MAGI1: variants seen among roughly 807,000 people sequenced by gnomAD.
MAGI1 encodes membrane-associated guanylate kinase, WW and PDZ domain-containing protein 1.
A neutral mutation model predicts 139.9 loss-of-function variants in MAGI1; 58 were observed. The observed-to-expected ratio is 0.41, with a 90% CI of 0.34 to 0.52. The LOEUF (loss-of-function observed/expected upper bound fraction) is 0.52. MAGI1 is among the 20% of genes least tolerant of loss of function. MAGI1 has a pLI of 0.12. For synonymous variants in MAGI1, 812 were observed against 737.9 expected (o/e 1.10, Z -1.63); for missense variants, 1,874 against 1,901.6 (o/e 0.99, Z 0.27).
At chr3:65,894,124 AACGAGACATC>A (rs2060875250) in intron 1 of MAGI1, among the ~76,000 whole-genome samples, 1 of 152,190 alleles carries the variant, frequency 6.6e-6, no homozygotes, top group Non-Finnish European at 1.5e-5. Flanking sequence ...AAAAAGAAGG[AACGAGACATC>A]ACTACCCGCC....
At chr3:65,371,729 C>G (rs1199557971) in intron 18 of MAGI1, among the ~76,000 whole-genome samples, 1 of 152,156 alleles carries the variant, frequency 6.6e-6, no homozygotes, top group Non-Finnish European at 1.5e-5. Context: ...TAATCAAAAC[C>G]CTTTGTTGTC....
At chr3:65,360,851 G>T (rs941453830) in intron 22 of MAGI1, 2 of 1,146,452 alleles carry the variant, frequency 1.7e-6, no homozygotes, top group East Asian at 9.3e-5. Flanking sequence ...TTCTTAAAAG[G>T]AGTATATAGT....
At position 65,680,795 on chromosome 3, in the gene MAGI1, T is replaced by TATGATATATG. The variant is rs58365928; in HGVS notation, c.314-58708_314-58707insCATATATCAT. On this transcript the variant is annotated intron_variant, in intron 1 of 22. Coordinates refer to ENST00000402939, the MANE Select transcript of MAGI1 (RefSeq NM_001033057.2). ...TATGATATGATATGATATGATATGA[T>TATGATATATG]ATACTTTAATAATTATTAAAATCAT... is the stretch of plus-strand genomic sequence containing the variant. Among the ~76,000 whole-genome samples the TATGATATATG allele has an allele frequency of 5.6e-3, 842 of 151,236 alleles. 4 individuals are homozygous for TATGATATATG. Among genetic ancestry groups the TATGATATATG allele is most frequent in the Middle Eastern group, 0.017 (5 of 288 alleles).
chr3:65,594,279 C>T (rs2082089777), intron 2 of MAGI1, among the ~76,000 whole-genome samples: 1 of 152,088 alleles, frequency 6.6e-6, no homozygotes, highest in Non-Finnish European at 1.5e-5. Flanking sequence ...AACAGGTTTA[C>T]CAATAACAAA....
chr3:65,492,678 G>A (rs531276906), intron 3 of MAGI1, among the ~76,000 whole-genome samples: 12 of 152,228 alleles, frequency 7.9e-5, no homozygotes, highest in African/African-American at 9.6e-5. Context: ...ATGTACATAC[G>A]CATGTGCACA....
intron 1 of MAGI1, among the ~76,000 whole-genome samples, chr3:65,763,738 C>T (rs974681073): frequency 2.6e-5 from 4 of 151,172 alleles, no homozygotes; most frequent in Admixed American, 6.6e-5. Flanking sequence ...TATTTCATAT[C>T]GCACAAGTGC....
intron 14 of MAGI1, 114 bp from the exon 15 acceptor site, chr3:65,383,737 T>G: frequency 1.4e-6 from 1 of 726,940 alleles, no homozygotes; most frequent in Non-Finnish European, 2.4e-6. Context: ...GATGGAAGAT[T>G]TTCAATATAG....
chr3:65,437,189 G>T lies in MAGI1; in HGVS notation c.1329C>A (p.Ser443Arg). Residue 443 changes from serine to arginine, a missense_variant, in exon 10 of 23, where the codon AGC (serine) becomes AGA (arginine). Coordinates refer to ENST00000402939, the MANE Select transcript of MAGI1 (RefSeq NM_001033057.2). ...GAACTTCTCTGGCTGGCTCTGGATT[G>T]CTTGGAGGGTGGTTTGGAATAACAG... ...VPPVIPNHPP[S>R]NPEPAREVPL... The T allele has an allele frequency of 6.2e-7, 1 of 1,611,840 alleles. No homozygotes were observed. Among genetic ancestry groups the T allele is most frequent in the Non-Finnish European group, 8.5e-7 (1 of 1,178,146 alleles).
chr3:65,671,421 C>G (rs74943912), intron 1 of MAGI1, among the ~76,000 whole-genome samples: 1 of 152,134 alleles, frequency 6.6e-6, no homozygotes, highest in Non-Finnish European at 1.5e-5. Context: ...CCCATAGGAA[C>G]CAACTCACCC....
At chr3:65,377,338 T>C (rs1166142991) in intron 17 of MAGI1, among the ~76,000 whole-genome samples, 1 of 152,198 alleles carries the variant, frequency 6.6e-6, no homozygotes, top group Non-Finnish European at 1.5e-5. Context: ...CAAGGACAAT[T>C]GGTATAACAA....
At chr3:65,576,673 G>C (rs186271982) in intron 2 of MAGI1, among the ~76,000 whole-genome samples, 253 of 152,226 alleles carry the variant, frequency 1.7e-3, no homozygotes, top group African/African-American at 5.5e-3. Flanking sequence ...TTTCCTTTAA[G>C]AGCCAATTCA....
intron 2 of MAGI1, among the ~76,000 whole-genome samples, chr3:65,552,848 G>C (rs531995175): frequency 6.6e-6 from 1 of 152,230 alleles, no homozygotes; most frequent in Admixed American, 6.5e-5. Flanking sequence ...GTTATGCCTT[G>C]GTTTAATTAT....
chr3:65,673,702 C>A (rs144288952), intron 1 of MAGI1, among the ~76,000 whole-genome samples: 4 of 152,330 alleles, frequency 2.6e-5, no homozygotes, highest in African/African-American at 9.6e-5. Flanking sequence ...TCTTCAGACA[C>A]AAACACCTCA....
At chr3:65,620,048 TCA>T (rs1220248331) in intron 2 of MAGI1, 1 of 949,772 alleles carries the variant, frequency 1.1e-6, no homozygotes, top group Non-Finnish European at 1.3e-6. Context: ...GCCATTTAGC[TCA>T]CAGTCAGGTC....
At position 65,429,579 on chromosome 3, in the gene MAGI1, A is replaced by G; in HGVS notation, c.2108T>C (p.Val703Ala). 6 of 1,613,824 alleles carry G rather than the reference A, an allele frequency of 3.7e-6. No homozygotes were observed. Among genetic ancestry groups the G allele is most frequent in the Non-Finnish European group, 5.1e-6 (6 of 1,179,868 alleles). The stretch of plus-strand genomic sequence containing the variant: ...CTTAGGACACTCAACCAGCATATCC[A>G]CCACTTGGTTGTGAGTTAGGGCCTG... ...NVQALTHNQV[V>A]DMLVECPKGS... Residue 703 changes from valine (V) to alanine (A), a missense_variant, in exon 12 of 23, where the codon GTG becomes GCG. Physicochemically the swap from Val to Ala is moderately conservative, Grantham distance 64. Transcript: ENST00000402939.
chr3:65,510,395 G>A (rs1372104186), intron 2 of MAGI1, among the ~76,000 whole-genome samples: 1 of 150,440 alleles, frequency 6.6e-6, no homozygotes, highest in Admixed American at 6.6e-5. Flanking sequence ...CAAAGAAGTT[G>A]AAAACTTTGA....
chr3:65,610,786 G>A (rs563942683), intron 2 of MAGI1, among the ~76,000 whole-genome samples: 3 of 77,700 alleles, frequency 3.9e-5, no homozygotes, highest in Admixed American at 1.2e-4. Flanking sequence ...ACTGTATATA[G>A]TATATATAGT....
rs768791893 is a variant in MAGI1, at chr3:65,356,830, C to T, written c.3937G>A (p.Ala1313Thr). 6 of 1,612,100 alleles carry T rather than the reference C, an allele frequency of 3.7e-6. No individual in the cohort carries two copies. The highest frequency in any genetic ancestry group is 5.1e-6 in the Non-Finnish European group (6 of 1,178,750). ...CGCCTCTTGGGGCCGTTGGCGGCTG[C>T]CGCGCGCTCGGCCTGCGCGTCCCTC... ...GRRDAQAERA[A>T]AANGPKRRSP... The change falls in exon 23 of 23, where the codon GCA becomes ACA. Residue 1313 changes from alanine (A) to threonine (T), a missense_variant. Transcript: ENST00000402939.
At chr3:66,001,679 C>T (rs964772574) in intron 1 of MAGI1, among the ~76,000 whole-genome samples, 5 of 152,120 alleles carry the variant, frequency 3.3e-5, no homozygotes, top group African/African-American at 4.8e-5. Flanking sequence ...CTTACATGTC[C>T]GTGGCCTTAA....
Sources: allele counts gnomAD v4.1 joint callset (sites outside exome capture counted in the v4.1 genomes callset), GRCh38; gene constraint gnomAD v4.1.1; transcripts MANE v1.5; gene names NCBI Gene and HGNC (gene_info 2026-07-23, HGNC 2026-07-21).